Variants in WASF3 observed in about 807,000 individuals in gnomAD.
WASF3 encodes WASP family member 3.
Under a neutral mutation model 46.6 loss-of-function variants are expected in WASF3, and 11 were observed. The observed-to-expected ratio is 0.24, with a 90% CI of 0.15 to 0.39. The LOEUF (loss-of-function observed/expected upper bound fraction) is 0.39, where lower values mean the gene tolerates loss of function less well. Ranked by LOEUF, WASF3 falls within the 10% of genes least tolerant of loss-of-function variation. The pLI, the probability that WASF3 is intolerant of heterozygous loss-of-function variation, is 1.00. For synonymous variants in WASF3, 242 were observed against 259.7 expected (o/e 0.93, Z 0.65); for missense variants, 576 against 669.8 (o/e 0.86, Z 1.55).
In WASF3 at chr13:26,615,756, C is replaced by T. The variant is rs73168008; in HGVS notation, c.-11+2698C>T. On this transcript the variant is annotated intron_variant, in intron 2 of 9. Coordinates refer to ENST00000335327, the MANE Select transcript of WASF3 (RefSeq NM_006646.6). ...GTTGAACTGGTGACCGTTGTTTCCTCATGGCCCTTGGTCATTTTTCCCTTT... is the reference window on the plus strand; with the variant it reads ...GTTGAACTGGTGACCGTTGTTTCCTTATGGCCCTTGGTCATTTTTCCCTTT... Among the ~76,000 whole-genome samples the T allele has an allele frequency of 8.9e-3, 1,358 of 152,344 alleles. 10 individuals carry two copies. Among genetic ancestry groups the T allele is most frequent in the Middle Eastern group, 0.017 (5 of 294 alleles).
intron 9 of WASF3, among the ~76,000 whole-genome samples, chr13:26,685,087 C>CA (rs57659738): frequency 0.01 from 1,377 of 134,702 alleles, 26 homozygotes; most frequent in African/African-American, 0.03. Context: ...GACCCAATCT[C>CA]AAAAAAAAAA....
chr13:26,684,720 T>C (rs1274864357), intron 9 of WASF3, among the ~76,000 whole-genome samples: 2 of 152,120 alleles, frequency 1.3e-5, no homozygotes, highest in Non-Finnish European at 2.9e-5. Context: ...CAGAGAAAAG[T>C]GTCTGTGTCT....
rs776485920 is a variant in WASF3, at chr13:26,680,209, G to A, written c.717-845G>A. On this transcript the variant is annotated intron_variant, in intron 7 of 9. Transcript: ENST00000335327. Reference sequence around the variant, plus strand: ...GGACAGAGTGCCCAGCGGGTTTGTTGTTTTGCTTTCTTTGGGTTCCCAGAC... The same window carrying A: ...GGACAGAGTGCCCAGCGGGTTTGTTATTTTGCTTTCTTTGGGTTCCCAGAC... 6.5e-6 allele frequency: 10 copies of A among 1,548,922 alleles called. No individual in the cohort carries two copies. In the Admixed American group the frequency reaches 1.7e-4, roughly 26 times the overall value.
chr13:26,576,231 CTA>C (rs768046416), intron 1 of WASF3, among the ~76,000 whole-genome samples: 5 of 152,014 alleles, frequency 3.3e-5, no homozygotes, highest in Non-Finnish European at 7.4e-5. Flanking sequence ...TCATTTGAAT[CTA>C]TTATTCTCCC....
chr13:26,656,629 T>C (rs999708738), intron 3 of WASF3, among the ~76,000 whole-genome samples: 1 of 151,992 alleles, frequency 6.6e-6, no homozygotes, highest in African/African-American at 2.4e-5. Flanking sequence ...AAAAGTCTTA[T>C]CATTCTAACC....
intron 1 of WASF3, among the ~76,000 whole-genome samples, chr13:26,560,760 C>T (rs2137136732): frequency 6.6e-6 from 1 of 152,272 alleles, no homozygotes; most frequent in Non-Finnish European, 1.5e-5. Context: ...GCCGGGGATA[C>T]AGAGATAAAC....
At chr13:26,564,266 G>T (rs1053667595) in intron 1 of WASF3, among the ~76,000 whole-genome samples, 3 of 152,174 alleles carry the variant, frequency 2.0e-5, no homozygotes, top group Non-Finnish European at 4.4e-5. Context: ...ACCACATAGG[G>T]TGGTGCCTTG....
chr13:26,556,629 T>C (rs1879103391), upstream of WASF3, among the ~76,000 whole-genome samples: 1 of 152,244 alleles, frequency 6.6e-6, no homozygotes, highest in South Asian at 2.1e-4. Context: ...GAGGGCTGCA[T>C]GATTTTTCTA....
intron 3 of WASF3, among the ~76,000 whole-genome samples, chr13:26,662,046 A>G (rs904517945): frequency 6.6e-6 from 1 of 152,120 alleles, no homozygotes; most frequent in Admixed American, 6.5e-5. Context: ...GAAGTGGGAG[A>G]GTGTGGGGCT....
intron 2 of WASF3, among the ~76,000 whole-genome samples, chr13:26,640,167 T>C (rs1881952820): frequency 6.6e-6 from 1 of 152,116 alleles, no homozygotes; most frequent in African/African-American, 2.4e-5. Context: ...TCCACCCCCA[T>C]GATCCAAAAG....
the WASF3 span, among the ~76,000 whole-genome samples, chr13:26,546,192 G>A: frequency 6.6e-6 from 1 of 152,104 alleles, no homozygotes; most frequent in African/African-American, 2.4e-5. Context: ...AGGGCCATAG[G>A]GTACCGGCAC....
At chr13:26,643,895 T>C (rs1328755979) in intron 3 of WASF3, among the ~76,000 whole-genome samples, 3 of 152,230 alleles carry the variant, frequency 2.0e-5, no homozygotes, top group African/African-American at 7.2e-5. Flanking sequence ...AGAATAGTAA[T>C]AGCCCCTCCG....
intron 2 of WASF3, among the ~76,000 whole-genome samples, chr13:26,627,318 A>T (rs887794472): frequency 2.6e-5 from 4 of 152,058 alleles, no homozygotes; most frequent in African/African-American, 4.8e-5. Context: ...TAAGGCAGGC[A>T]GGGAAGGTGT....
intron 1 of WASF3, among the ~76,000 whole-genome samples, chr13:26,565,373 C>G (rs1185767961): frequency 6.6e-6 from 1 of 151,944 alleles, no homozygotes; most frequent in Non-Finnish European, 1.5e-5. Context: ...TGTTGCACAG[C>G]TTAGAATGGG....
At chr13:26,611,848 T>G (rs79655509) in intron 1 of WASF3, among the ~76,000 whole-genome samples, 2 of 151,998 alleles carry the variant, frequency 1.3e-5, no homozygotes. Context: ...TTTTTTTTTT[T>G]GTACTGTTAA....
Position 26,608,494 on chromosome 13 carries a change from A to G in WASF3, c.-108-4467A>G, listed in dbSNP as rs139655938. On this transcript the variant is annotated intron_variant, in intron 1 of 9. Transcript: ENST00000335327. ...AGCTTACAGCAGTATCTCTTCTGCT[A>G]CTTGTTTTGTATTTATTTATGTTTG... Among the ~76,000 whole-genome samples, 860 of 152,264 alleles carry G rather than the reference A, an allele frequency of 5.6e-3. 10 individuals carry two copies. The highest frequency in any genetic ancestry group is 0.02 in the African/African-American group (819 of 41,546).
chr13:26,610,159 T>TA (rs1378478452), intron 1 of WASF3, among the ~76,000 whole-genome samples: 4 of 152,274 alleles, frequency 2.6e-5, no homozygotes, highest in African/African-American at 9.6e-5. Flanking sequence ...CCCATCCACT[T>TA]AATCTTCCGA....
intron 1 of WASF3, among the ~76,000 whole-genome samples, chr13:26,586,973 C>T (rs111827019): frequency 0.036 from 5,390 of 151,546 alleles, 335 homozygotes; most frequent in African/African-American, 0.12. Flanking sequence ...TGTGGTGGCA[C>T]ACACCTGTAG....
rs866115896 is a variant in WASF3 at position 26,559,823 on chromosome 13, T to C, written c.-109+2004T>C. On this transcript the variant is annotated intron_variant, in intron 1 of 9. Coordinates refer to ENST00000335327, the MANE Select transcript of WASF3 (RefSeq NM_006646.6). ...TTCTTTCTTTCTTTTTTTTTTTTTT[T>C]TTTTTTTTTTTGAGACGGAGTCTTG... Among the ~76,000 whole-genome samples the C allele has an allele frequency of 6.2e-3, 785 of 126,604 alleles. 14 individuals are homozygous for C. The highest frequency in any genetic ancestry group is 0.019 in the African/African-American group (657 of 34,270). 83.1% of individuals were successfully genotyped at this position (126,604 alleles called of 152,430 possible).
Sources: allele counts gnomAD v4.1 joint callset (sites outside exome capture counted in the v4.1 genomes callset), GRCh38; gene constraint gnomAD v4.1.1; transcripts MANE v1.5; gene names NCBI Gene and HGNC (gene_info 2026-07-23, HGNC 2026-07-21).